Variants in SLC24A2 observed in about 807,000 individuals in gnomAD.
SLC24A2 encodes the protein sodium/potassium/calcium exchanger 2.
SLC24A2 carries 36 observed loss-of-function variants against 62.0 expected under a neutral mutation model. The ratio of observed to expected loss-of-function variants is 0.58; its 90% CI spans 0.44 to 0.77. SLC24A2 has a LOEUF of 0.77. Among genes scored for constraint, SLC24A2 ranks in the 30% least tolerant of loss-of-function variants. The probability of loss-of-function intolerance (pLI) is 0.00; values close to 1 mark genes in which losing one functional copy is unlikely to be tolerated. For synonymous variants in SLC24A2, 358 were observed against 294.0 expected, an observed-to-expected ratio of 1.22 and a Z score of -2.23; for missense variants, 846 against 817.9, an observed-to-expected ratio of 1.03 and a Z score of -0.42.
At chr9:19,928,114 A>G in the SLC24A2 span, 4 of 152,368 alleles carry the variant, frequency 2.6e-5, no homozygotes, top group Non-Finnish European at 5.9e-5. Context: ...GGTTACACAG[A>G]GAGAGTGAGG....
the SLC24A2 span, among the ~76,000 whole-genome samples, chr9:20,108,995 T>C: frequency 6.6e-6 from 1 of 152,198 alleles, no homozygotes; most frequent in Non-Finnish European, 1.5e-5. Context: ...ACTGTACCTT[T>C]TCCATGTTTA....
chr9:19,907,980 ACT>A, the SLC24A2 span, among the ~76,000 whole-genome samples: 1 of 152,316 alleles, frequency 6.6e-6, no homozygotes, highest in South Asian at 2.1e-4. Flanking sequence ...ATTGGAAAAA[ACT>A]ACTTTAAAGT....
At chr9:20,059,830 A>G in the SLC24A2 span, among the ~76,000 whole-genome samples, 1 of 152,132 alleles carries the variant, frequency 6.6e-6, no homozygotes. Context: ...AATGGAGACG[A>G]GAAAAACAAT....
At chr9:19,692,537 T>A (rs1420306379) in intron 2 of SLC24A2, among the ~76,000 whole-genome samples, 1 of 152,134 alleles carries the variant, frequency 6.6e-6, no homozygotes, top group East Asian at 1.9e-4. Context: ...CAGTAAAACA[T>A]GAAACACGGC....
intron 2 of SLC24A2, among the ~76,000 whole-genome samples, chr9:19,752,344 T>C (rs10811235): frequency 0.02 from 3,003 of 152,082 alleles, 43 homozygotes; most frequent in South Asian, 0.035. Flanking sequence ...TATGAGGTGA[T>C]GGACAGATCA....
chr9:20,145,361 T>G, the SLC24A2 span, among the ~76,000 whole-genome samples: 4 of 152,138 alleles, frequency 2.6e-5, no homozygotes, highest in African/African-American at 7.2e-5. Context: ...ATCTCTTCAC[T>G]GTCTCTCCAC....
the SLC24A2 span, among the ~76,000 whole-genome samples, chr9:20,108,465 T>A: frequency 6.6e-6 from 1 of 152,174 alleles, no homozygotes; most frequent in South Asian, 2.1e-4. Context: ...CCAACAGTGA[T>A]AGACTGGATT....
chr9:20,120,048 C>G, the SLC24A2 span, among the ~76,000 whole-genome samples: 1 of 152,136 alleles, frequency 6.6e-6, no homozygotes, highest in Non-Finnish European at 1.5e-5. Flanking sequence ...CTTCTAGAAA[C>G]CACCCACATT....
At chr9:20,178,309 C>T in the SLC24A2 span, among the ~76,000 whole-genome samples, 1 of 152,138 alleles carries the variant, frequency 6.6e-6, no homozygotes, top group Non-Finnish European at 1.5e-5. Context: ...GTCCTTTGCA[C>T]CTCCTGTCCT....
At chr9:19,823,605 G>C in the SLC24A2 span, among the ~76,000 whole-genome samples, 7 of 150,948 alleles carry the variant, frequency 4.6e-5, no homozygotes, top group Non-Finnish European at 8.8e-5. Flanking sequence ...CTCCAGCCTG[G>C]CAATAGAGCA....
chr9:20,147,517 G>C, the SLC24A2 span, among the ~76,000 whole-genome samples: 389 of 152,234 alleles, frequency 2.6e-3, 2 homozygotes, highest in African/African-American at 8.9e-3. Flanking sequence ...GCCAAAGCTA[G>C]AGAAAAGAGC....
the SLC24A2 span, among the ~76,000 whole-genome samples, chr9:19,995,259 TAATC>T: frequency 3.9e-5 from 6 of 152,204 alleles, no homozygotes; most frequent in Non-Finnish European, 8.8e-5. Flanking sequence ...ATTAAAATAT[TAATC>T]AATTCAACAT....
intron 2 of SLC24A2, among the ~76,000 whole-genome samples, chr9:19,746,095 T>G (rs543457093): frequency 6.7e-6 from 1 of 149,290 alleles, no homozygotes; most frequent in South Asian, 2.1e-4. Context: ...CTCCAATCTG[T>G]TTTTTTTTCT....
At chr9:20,165,961 T>A in the SLC24A2 span, among the ~76,000 whole-genome samples, 1 of 151,672 alleles carries the variant, frequency 6.6e-6, no homozygotes. Flanking sequence ...ACATGAGACA[T>A]CCTATAGGAA....
the SLC24A2 span, among the ~76,000 whole-genome samples, chr9:19,842,633 G>T: frequency 5.9e-5 from 9 of 152,114 alleles, no homozygotes; most frequent in African/African-American, 2.2e-4. Context: ...TAGTCTCCAA[G>T]GGGGGGATGT....
At chr9:20,100,470 C>T in the SLC24A2 span, among the ~76,000 whole-genome samples, 1 of 152,156 alleles carries the variant, frequency 6.6e-6, no homozygotes, top group African/African-American at 2.4e-5. Flanking sequence ...TACATCTGAA[C>T]CCAGGTGCAT....
the SLC24A2 span, among the ~76,000 whole-genome samples, chr9:19,816,250 G>A: frequency 7.9e-5 from 12 of 151,836 alleles, no homozygotes; most frequent in African/African-American, 2.9e-4. Flanking sequence ...TTTCTGTTTT[G>A]TTACTCCACT....
the SLC24A2 span, among the ~76,000 whole-genome samples, chr9:20,272,795 G>A: frequency 2.6e-5 from 4 of 152,172 alleles, no homozygotes; most frequent in Non-Finnish European, 4.4e-5. Context: ...GCAAAAAAGA[G>A]GTTTATTAGG....
rs1363293965 is a variant in SLC24A2 at position 19,599,157 on chromosome 9, C to T, written c.1079-1878G>A. 6.6e-6 allele frequency among the ~76,000 whole-genome samples: 1 copy of T among 152,206 alleles called. No homozygotes were observed. Among genetic ancestry groups the T allele is most frequent in the Non-Finnish European group, 1.5e-5 (1 of 68,038 alleles). On this transcript the variant is annotated intron_variant, in intron 4 of 10. Coordinates refer to ENST00000341998, the MANE Select transcript of SLC24A2 (RefSeq NM_020344.4). This position sits in a 1 kb window ranked among gnomAD's most constrained non-coding sequence, Gnocchi z 4.5. Reference sequence around the variant, plus strand: ...TGGCAGATGATATTACTCCTCACCTCATCTCTTGCAGAATCAGGTATAAAT... The same window carrying T: ...TGGCAGATGATATTACTCCTCACCTTATCTCTTGCAGAATCAGGTATAAAT...
Sources: gnomAD v4.1 joint callset for allele counts (sites outside exome capture counted in the v4.1 genomes callset) on GRCh38, gnomAD v4.1.1 for gene constraint, Gnocchi (gnomAD v3.1) non-coding constraint, MANE v1.5 for transcripts, NCBI Gene and HGNC (gene_info 2026-07-23, HGNC 2026-07-21) for gene names.